The following GRB2 variants were observed in gnomAD, a reference collection of about 807,000 sequenced individuals.
GRB2 encodes the protein growth factor receptor-bound protein 2.
GRB2 carries 2 observed loss-of-function variants against 27.4 expected under a neutral mutation model. That is an observed-to-expected ratio of 0.07 (90% confidence interval 0.03 to 0.23). The LOEUF (loss-of-function observed/expected upper bound fraction) is 0.23, where lower values mean the gene tolerates loss of function less well. Among genes scored for constraint, GRB2 ranks in the 10% least tolerant of loss-of-function variants. The pLI is 1.00. For synonymous variants in GRB2, 94 were observed against 99.6 expected, an observed-to-expected ratio of 0.94 and a Z score of 0.33; for missense variants, 102 against 282.4, an observed-to-expected ratio of 0.36 and a Z score of 4.58.
At position 75,320,623 on chromosome 17, in the gene GRB2, T is replaced by C; in HGVS notation, c.469-70A>G. ...GTGACTGGCCACCTCCGAGGCCAGA[T>C]GGGTTCCAGGGGGAAACGAATGCGT... On this transcript the variant is annotated intron_variant, in intron 5 of 5. Transcript: ENST00000316804. This position sits in a 1 kb window ranked among gnomAD's most constrained non-coding sequence, Gnocchi z 4.3. The C allele has an allele frequency of 8.1e-7, 1 of 1,230,746 alleles. No homozygotes were observed. Among genetic ancestry groups the C allele is most frequent in the Non-Finnish European group, 1.2e-6 (1 of 841,956 alleles). The allele number at this position is 1,230,746 out of a possible 1,614,324, so 76.2% of individuals were successfully genotyped here.
chr17:75,388,047 G>A (rs1357964528), intron 2 of GRB2, among the ~76,000 whole-genome samples: 1 of 152,166 alleles, frequency 6.6e-6, no homozygotes, highest in South Asian at 2.1e-4. Context: ...TAAAAAGCAA[G>A]CAGATTATTT....
intron 2 of GRB2, among the ~76,000 whole-genome samples, chr17:75,353,463 TA>T (rs11374646): frequency 6.7e-6 from 1 of 149,274 alleles, no homozygotes; most frequent in African/African-American, 2.5e-5. Flanking sequence ...TCTATGCCCT[TA>T]AAAAAAAAAC....
chr17:75,334,338 T>G (rs1258491813), intron 2 of GRB2, among the ~76,000 whole-genome samples: 1 of 151,694 alleles, frequency 6.6e-6, no homozygotes, highest in African/African-American at 2.4e-5. Context: ...GCCCGGCTAA[T>G]TTTTTGTATT....
chr17:75,369,580 C>T (rs2078842295), intron 2 of GRB2, among the ~76,000 whole-genome samples: 1 of 151,346 alleles, frequency 6.6e-6, no homozygotes, highest in Non-Finnish European at 1.5e-5. Flanking sequence ...CTGGGCCAGG[C>T]GCAGTAGCTT....
intron 2 of GRB2, among the ~76,000 whole-genome samples, chr17:75,375,099 G>C (rs73358264): frequency 0.039 from 5,880 of 151,878 alleles, 365 homozygotes; most frequent in African/African-American, 0.13. Flanking sequence ...TAGACGGGGG[G>C]GTCTCACTGT....
intron 2 of GRB2, among the ~76,000 whole-genome samples, chr17:75,384,235 T>C (rs957248285): frequency 6.6e-6 from 1 of 152,216 alleles, no homozygotes; most frequent in African/African-American, 2.4e-5. Flanking sequence ...CAGCCTAAGA[T>C]TTAAAATCAG....
At chr17:75,388,268 G>GT (rs929940498) in intron 2 of GRB2, among the ~76,000 whole-genome samples, 4 of 151,804 alleles carry the variant, frequency 2.6e-5, no homozygotes, top group Non-Finnish European at 1.5e-5. Context: ...GGGCCCGGCT[G>GT]TTTTTTGTAT....
chr17:75,328,933 C>T (rs1379270008), intron 3 of GRB2, among the ~76,000 whole-genome samples: 1 of 124,620 alleles, frequency 8.0e-6, no homozygotes, highest in Non-Finnish European at 1.7e-5. Flanking sequence ...GCGAGACTCG[C>T]TTTCAAAAAA....
Position 75,357,899 on chromosome 17 carries a change from C to T in GRB2, c.79-25102G>A, listed in dbSNP as rs536234823. On this transcript the variant is annotated intron_variant, in intron 2 of 5. Transcript: ENST00000316804. Reference sequence around the variant, plus strand: ...TCGCGCCACTGCACTCCTGCCTAGGCGACACAGTGAGACTTTGTCTCAAAA... The same window carrying T: ...TCGCGCCACTGCACTCCTGCCTAGGTGACACAGTGAGACTTTGTCTCAAAA... Among the ~76,000 whole-genome samples, 209 of 151,230 alleles carry T rather than the reference C, an allele frequency of 1.4e-3. 1 individual carries two copies. The highest frequency in any genetic ancestry group is 0.01 in the Middle Eastern group (3 of 292).
intron 2 of GRB2, among the ~76,000 whole-genome samples, chr17:75,380,135 AGGTGGAAGAT>A (rs773097276): frequency 4.7e-4 from 72 of 152,324 alleles, no homozygotes; most frequent in Non-Finnish European, 9.0e-4. Context: ...AGCCTTATAC[AGGTGGAAGAT>A]GATGTACTGC....
rs111444337 is a variant in GRB2 at position 75,356,344 on chromosome 17, C to T, written c.79-23547G>A. Among the ~76,000 whole-genome samples the T allele has an allele frequency of 2.9e-3, 443 of 151,846 alleles. 2 individuals are homozygous for T. The highest frequency in any genetic ancestry group is 4.5e-3 in the Admixed American group (69 of 15,244). ...CAGCCTAGGCAACATGTTGTGAAAC[C>T]CTGTTCTCTAAAAATTAGTTAGGTG... On this transcript the variant is annotated intron_variant, in intron 2 of 5. Coordinates refer to ENST00000316804, the MANE Select transcript of GRB2 (RefSeq NM_002086.5).
At chr17:75,399,449 C>A (rs2079049926) in intron 1 of GRB2, among the ~76,000 whole-genome samples, 1 of 149,442 alleles carries the variant, frequency 6.7e-6, no homozygotes, top group Non-Finnish European at 1.5e-5. Context: ...CTCACCACAA[C>A]CTCTGTCTCC....
At chr17:75,342,739 A>G (rs533427658) in intron 2 of GRB2, among the ~76,000 whole-genome samples, 3 of 152,260 alleles carry the variant, frequency 2.0e-5, no homozygotes, top group East Asian at 1.9e-4. Context: ...CCTTTCCACA[A>G]GGCCACCTAC....
intron 2 of GRB2, among the ~76,000 whole-genome samples, chr17:75,382,288 C>T (rs1360571033): frequency 2.0e-5 from 3 of 151,872 alleles, no homozygotes; most frequent in South Asian, 4.2e-4. Context: ...AAAAAGTCCA[C>T]TATTAAACTA....
At chr17:75,330,997 T>TCC (rs1241544575) in intron 3 of GRB2, among the ~76,000 whole-genome samples, 1 of 151,186 alleles carries the variant, frequency 6.6e-6, no homozygotes, top group African/African-American at 2.5e-5. Flanking sequence ...TAACCCCTGC[T>TCC]CCCCACCCCC....
intron 2 of GRB2, among the ~76,000 whole-genome samples, chr17:75,351,465 A>G (rs563117489): frequency 1.3e-5 from 2 of 152,294 alleles, no homozygotes; most frequent in East Asian, 1.9e-4. Flanking sequence ...GCTGAGGGAT[A>G]TAGCCAAGAC....
intron 2 of GRB2, among the ~76,000 whole-genome samples, chr17:75,339,305 T>C (rs1213951028): frequency 1.3e-5 from 2 of 151,106 alleles, no homozygotes; most frequent in Non-Finnish European, 2.9e-5. Context: ...GCCATTCTCC[T>C]GCCTCAGCCT....
chr17:75,328,319 G>C (rs976323678), intron 3 of GRB2, among the ~76,000 whole-genome samples: 4 of 148,882 alleles, frequency 2.7e-5, no homozygotes, highest in Non-Finnish European at 4.5e-5. Context: ...GTGAGACTCT[G>C]TCTCAAAAAA....
At chr17:75,397,816 AATTTATTT>A (rs57166874) in intron 1 of GRB2, among the ~76,000 whole-genome samples, 96,500 of 147,770 alleles carry the variant, frequency 0.65, 36,409 homozygotes, top group East Asian at 0.88. Context: ...AATCACTCAA[AATTTATTT>A]ATTTATTTAT....
Sources: allele counts gnomAD v4.1 joint callset (sites outside exome capture counted in the v4.1 genomes callset), GRCh38; gene constraint gnomAD v4.1.1; non-coding constraint Gnocchi (gnomAD v3.1); transcripts MANE v1.5; gene names NCBI Gene and HGNC (gene_info 2026-07-23, HGNC 2026-07-21).